The following NRG3 variants were observed in gnomAD, a reference collection of about 807,000 sequenced individuals.
NRG3 encodes the protein pro-neuregulin-3, membrane-bound isoform.
In NRG3, 31 loss-of-function variants were observed where a neutral mutation model predicts 66.9. The observed-to-expected ratio is 0.46, with a 90% confidence interval of 0.35 to 0.63. The LOEUF (loss-of-function observed/expected upper bound fraction) is 0.63, where lower values mean the gene tolerates loss of function less well. Among genes scored for constraint, NRG3 ranks in the 20% least tolerant of loss-of-function variants. The probability of loss-of-function intolerance (pLI) is 0.00; values close to 1 mark genes in which losing one functional copy is unlikely to be tolerated. For missense variants in NRG3, 910 were observed against 878.9 expected (o/e 1.04, Z -0.45); for synonymous variants, 393 against 359.4 (o/e 1.09, Z -1.06).
At chr10:81,948,525 C>T (rs1358047229) in intron 1 of NRG3, among the ~76,000 whole-genome samples, 2 of 152,192 alleles carry the variant, frequency 1.3e-5, no homozygotes, top group Non-Finnish European at 1.5e-5. Flanking sequence ...CTCTTGTCTG[C>T]GTTTAGCCCT....
At chr10:82,545,405 G>A (rs1417865983) in intron 2 of NRG3, among the ~76,000 whole-genome samples, 1 of 139,410 alleles carries the variant, frequency 7.2e-6, no homozygotes, top group African/African-American at 2.8e-5. Flanking sequence ...TTGAGACGGA[G>A]TCTCTCTCTG....
intron 1 of NRG3, among the ~76,000 whole-genome samples, chr10:82,321,214 C>T (rs1422678253): frequency 6.6e-6 from 1 of 151,462 alleles, no homozygotes; most frequent in African/African-American, 2.4e-5. Flanking sequence ...TCCTGCCTGT[C>T]TGTGTGCTCC....
intron 3 of NRG3, among the ~76,000 whole-genome samples, chr10:82,851,665 T>C (rs1314041560): frequency 1.3e-5 from 2 of 152,148 alleles, no homozygotes; most frequent in Non-Finnish European, 2.9e-5. Context: ...GAAGAAGACA[T>C]ACAGGAGAGA....
At chr10:82,375,376 A>C (rs1319529924) in intron 2 of NRG3, among the ~76,000 whole-genome samples, 1 of 152,104 alleles carries the variant, frequency 6.6e-6, no homozygotes, top group African/African-American at 2.4e-5. Flanking sequence ...TCTCTATTAA[A>C]AATACAAAAA....
intron 2 of NRG3, among the ~76,000 whole-genome samples, chr10:82,533,078 GGCTATTTGTATATCTTTTTTTTTTTTCGA>G (rs1847453424): frequency 6.6e-6 from 1 of 150,416 alleles, no homozygotes. Context: ...TATACCTGTT[GGCTATTTGTATATCTTTTTTTTTTTTCGA>G]GAAATGTATA....
chr10:82,357,647 C>A (rs2083866013), intron 1 of NRG3, among the ~76,000 whole-genome samples: 1 of 152,034 alleles, frequency 6.6e-6, no homozygotes, highest in African/African-American at 2.4e-5. Flanking sequence ...TCTTGAACAG[C>A]CAACAGTTCC....
rs191971885 is a variant in NRG3, at chr10:82,455,037, G to A, written c.953+96169G>A. Among the ~76,000 whole-genome samples, 9 of 152,234 alleles carry A rather than the reference G, an allele frequency of 5.9e-5. No homozygotes were observed. In the East Asian group the frequency reaches 1.7e-3, roughly 29 times the overall value. The stretch of plus-strand genomic sequence containing the variant: ...CAAGGTCATTCAGCTAATGAGTGGA[G>A]GGACTGGAATTTGAACCCTCAAAAA... On this transcript the variant is annotated intron_variant, in intron 2 of 8. Coordinates refer to ENST00000372141, the MANE Select transcript of NRG3 (RefSeq NM_001010848.4).
intron 2 of NRG3, among the ~76,000 whole-genome samples, chr10:82,500,366 C>T (rs1590364808): frequency 6.6e-6 from 1 of 152,276 alleles, no homozygotes; most frequent in South Asian, 2.1e-4. Flanking sequence ...CTACTTTGTT[C>T]CTCAGTGTCC....
At chr10:82,929,460 C>T (rs1472590022) in intron 4 of NRG3, among the ~76,000 whole-genome samples, 2 of 152,124 alleles carry the variant, frequency 1.3e-5, no homozygotes, top group Non-Finnish European at 2.9e-5. Context: ...ACAGTGCCTG[C>T]GGACGTGTTT....
chr10:82,761,251 CA>C (rs2059293179), intron 3 of NRG3, among the ~76,000 whole-genome samples: 1 of 151,964 alleles, frequency 6.6e-6, no homozygotes, highest in Admixed American at 6.6e-5. Context: ...AACACAATAG[CA>C]ATTCTTCAGA....
intron 1 of NRG3, among the ~76,000 whole-genome samples, chr10:82,177,960 G>A (rs2073156598): frequency 6.6e-6 from 1 of 152,040 alleles, no homozygotes; most frequent in Admixed American, 6.6e-5. Flanking sequence ...AAAAGTGCTG[G>A]GATTATAGGT....
In NRG3 at chr10:82,078,150, C is replaced by T. The variant is rs960826899; in HGVS notation, c.823+201987C>T. 2.6e-5 allele frequency among the ~76,000 whole-genome samples: 4 copies of T among 152,068 alleles called. No homozygotes were observed. The South Asian group carries it at 8.3e-4, about 32-fold the overall frequency. Reference sequence around the variant, plus strand: ...AATTTTTTTTAATTATTCTATTTACCTACTCTTGTTATGTAAGTGTGGTAT... The same window carrying T: ...AATTTTTTTTAATTATTCTATTTACTTACTCTTGTTATGTAAGTGTGGTAT... On this transcript the variant is annotated intron_variant, in intron 1 of 8. Transcript: ENST00000372141.
intron 1 of NRG3, among the ~76,000 whole-genome samples, chr10:82,025,204 A>T (rs1389467886): frequency 1.3e-5 from 2 of 150,962 alleles, no homozygotes; most frequent in African/African-American, 2.4e-5. Flanking sequence ...AAAAATGTGG[A>T]ATACTTCATA....
At chr10:82,019,789 T>G (rs1199104253) in intron 1 of NRG3, among the ~76,000 whole-genome samples, 1 of 152,136 alleles carries the variant, frequency 6.6e-6, no homozygotes, top group African/African-American at 2.4e-5. Context: ...TGATATCTCC[T>G]TTATCATTTT....
chr10:82,762,000 TTC>T (rs1225598078), intron 3 of NRG3, among the ~76,000 whole-genome samples: 1 of 149,574 alleles, frequency 6.7e-6, no homozygotes, highest in Non-Finnish European at 1.5e-5. Flanking sequence ...TTCTTTTCCT[TTC>T]TCTCTTTCTT....
At chr10:82,361,757 C>T (rs1201226329) in intron 2 of NRG3, among the ~76,000 whole-genome samples, 2 of 152,020 alleles carry the variant, frequency 1.3e-5, no homozygotes, top group Non-Finnish European at 2.9e-5. Flanking sequence ...ATGTTTATGA[C>T]ATAGTAGTTA....
At chr10:82,349,980 G>A (rs2083324703) in intron 1 of NRG3, among the ~76,000 whole-genome samples, 1 of 152,160 alleles carries the variant, frequency 6.6e-6, no homozygotes, top group South Asian at 2.1e-4. Flanking sequence ...TCCCTAGTGA[G>A]ATGAACCCGG....
At chr10:82,562,507 CA>C (rs1224800854) in intron 2 of NRG3, among the ~76,000 whole-genome samples, 1 of 152,074 alleles carries the variant, frequency 6.6e-6, no homozygotes, top group African/African-American at 2.4e-5. Context: ...ATTGTAGAGA[CA>C]AAAAACTGAG....
chr10:81,878,218 T>A, intron 1 of NRG3: 1 of 767,230 alleles, frequency 1.3e-6, no homozygotes, highest in Non-Finnish European at 2.0e-6. Flanking sequence ...GAAAAATCTG[T>A]AAATGGTGTC....
Sources: gnomAD v4.1 joint callset for allele counts (sites outside exome capture counted in the v4.1 genomes callset) on GRCh38, gnomAD v4.1.1 for gene constraint, MANE v1.5 for transcripts, NCBI Gene and HGNC (gene_info 2026-07-23, HGNC 2026-07-21) for gene names.